BAIAP2L1: variants seen among roughly 807,000 people sequenced by gnomAD.
The protein encoded by BAIAP2L1 is BAR/IMD domain-containing adapter protein 2-like 1.
In BAIAP2L1, 35 loss-of-function variants were observed where a neutral mutation model predicts 66.3. That is an observed-to-expected ratio of 0.53 (90% CI 0.40 to 0.70). The LOEUF is 0.70. BAIAP2L1 is among the 30% of genes least tolerant of loss of function. BAIAP2L1 has a pLI of 0.00. For synonymous variants in BAIAP2L1, 269 were observed against 248.7 expected, an observed-to-expected ratio of 1.08 and a Z score of -0.77; for missense variants, 622 against 656.9, an observed-to-expected ratio of 0.95 and a Z score of 0.58.
At chr7:98,307,918 T>C (rs1262119094) in intron 9 of BAIAP2L1, 22 bp from the exon 10 acceptor site, 1 of 1,611,660 alleles carries the variant, frequency 6.2e-7, no homozygotes, top group Non-Finnish European at 8.5e-7. Flanking sequence ...AGTGTAGCAG[T>C]AATGGCTTTT....
In BAIAP2L1 at chr7:98,307,839, A is replaced by G. The variant is rs1209701200; in HGVS notation, c.1013T>C (p.Met338Thr). Residue 338 changes from methionine (M) to threonine (T), a missense_variant, in exon 10 of 14, where the codon ATG (methionine) becomes ACG (threonine). Coordinates refer to ENST00000005260, the MANE Select transcript of BAIAP2L1 (RefSeq NM_018842.5). ...GGTCTTCACTTTCTGCTTCTTCATCATGTTCAGTCCCGTTGCAACCGAAAC... is the reference window on the plus strand; with the variant it reads ...GGTCTTCACTTTCTGCTTCTTCATCGTGTTCAGTCCCGTTGCAACCGAAAC... ...RSVSVATGLN[M>T]MKKQKVKTIF... 6.2e-7 allele frequency: 1 copy of G among 1,614,108 alleles called. No individual in the cohort carries two copies. Among genetic ancestry groups the G allele is most frequent in the Admixed American group, 1.7e-5 (1 of 60,004 alleles).
intron 1 of BAIAP2L1, among the ~76,000 whole-genome samples, chr7:98,377,796 G>A (rs1802667154): frequency 7.2e-6 from 1 of 138,262 alleles, no homozygotes; most frequent in Non-Finnish European, 1.5e-5. Flanking sequence ...CTCCAGCCTG[G>A]GCGACAGAGT....
chr7:98,304,124 C>T, intron 12 of BAIAP2L1, 72 bp downstream of exon 12: 2 of 1,455,084 alleles, frequency 1.4e-6, no homozygotes, highest in Non-Finnish European at 1.8e-6. Context: ...AGGCGGTCAC[C>T]ACAGGACCTG....
chr7:98,383,283 CTTT>C (rs112746004), intron 1 of BAIAP2L1, among the ~76,000 whole-genome samples: 28 of 137,852 alleles, frequency 2.0e-4, no homozygotes, highest in African/African-American at 6.1e-4. Flanking sequence ...AACTTTCAAT[CTTT>C]TTTTTTTTTT....
intron 1 of BAIAP2L1, among the ~76,000 whole-genome samples, chr7:98,378,150 C>CA (rs1359683678): frequency 6.8e-6 from 1 of 148,126 alleles, no homozygotes; most frequent in African/African-American, 2.5e-5. Flanking sequence ...CTCTGTCTCT[C>CA]AAAAAACAAA....
chr7:98,299,146 G>C (rs1800310884), intron 12 of BAIAP2L1, among the ~76,000 whole-genome samples: 1 of 152,116 alleles, frequency 6.6e-6, no homozygotes, highest in South Asian at 2.1e-4. Context: ...CTCCCGAGTA[G>C]CTGGGATTAC....
chr7:98,393,164 T>C lies in BAIAP2L1; in HGVS notation c.51+7638A>G, dbSNP rs534345135. ...ATGTGTACATATATATGTACACATATATGTATATATATACATATATGTGTG... is the reference window on the plus strand; with the variant it reads ...ATGTGTACATATATATGTACACATACATGTATATATATACATATATGTGTG... On this transcript the variant is annotated intron_variant, in intron 1 of 13. Coordinates refer to ENST00000005260, the MANE Select transcript of BAIAP2L1 (RefSeq NM_018842.5). Among the ~76,000 whole-genome samples, 170 of 79,104 alleles carry C rather than the reference T, an allele frequency of 2.1e-3. 29 individuals carry two copies. Among genetic ancestry groups the C allele is most frequent in the African/African-American group, 5.7e-3 (164 of 28,714 alleles). 51.9% of individuals were successfully genotyped at this position (79,104 alleles called of 152,430 possible). A position where few individuals can be genotyped will look rare whatever the true frequency, so the allele number is the denominator to read the frequency against.
chr7:98,309,511 T>C (rs929524995), intron 9 of BAIAP2L1: 1 of 152,174 alleles, frequency 6.6e-6, no homozygotes, highest in Non-Finnish European at 1.5e-5. Context: ...TCTGAATCAC[T>C]GGGATGCACA....
chr7:98,374,668 C>G (rs887718489), intron 1 of BAIAP2L1, among the ~76,000 whole-genome samples: 1 of 151,752 alleles, frequency 6.6e-6, no homozygotes, highest in African/African-American at 2.4e-5. Flanking sequence ...TAATCTTACT[C>G]CTGATTTTTG....
chr7:98,321,913 C>T (rs1167819147), intron 3 of BAIAP2L1, among the ~76,000 whole-genome samples: 8 of 152,032 alleles, frequency 5.3e-5, no homozygotes, highest in African/African-American at 1.2e-4. Flanking sequence ...CTGGCCAACA[C>T]GGTGAAACCC....
chr7:98,361,939 T>TATCAAAAGTGACACA (rs1214953620), intron 2 of BAIAP2L1, among the ~76,000 whole-genome samples: 2 of 152,082 alleles, frequency 1.3e-5, no homozygotes, highest in Non-Finnish European at 2.9e-5. Flanking sequence ...CTCATGTAAC[T>TATCAAAAGTGACACA]ATCAAAAGTG....
intron 1 of BAIAP2L1, among the ~76,000 whole-genome samples, chr7:98,397,571 C>T (rs565534548): frequency 4.6e-5 from 7 of 152,212 alleles, no homozygotes; most frequent in African/African-American, 1.2e-4. Flanking sequence ...GATCTGCCTG[C>T]CCACCTTGGC....
intron 7 of BAIAP2L1, among the ~76,000 whole-genome samples, chr7:98,313,578 G>A (rs1800958641): frequency 6.6e-6 from 1 of 152,096 alleles, no homozygotes. Context: ...GTTGACAAAA[G>A]TGATCACCTA....
intron 12 of BAIAP2L1, among the ~76,000 whole-genome samples, chr7:98,303,874 C>T (rs1800526860): frequency 2.0e-5 from 3 of 152,166 alleles, no homozygotes. Flanking sequence ...AATGGTGATT[C>T]AATGGCTAGA....
chr7:98,313,598 C>A (rs1367698818), intron 7 of BAIAP2L1, among the ~76,000 whole-genome samples: 1 of 152,084 alleles, frequency 6.6e-6, no homozygotes, highest in African/African-American at 2.4e-5. Context: ...AATACAGCAA[C>A]TATTTCCTTT....
intron 3 of BAIAP2L1, among the ~76,000 whole-genome samples, chr7:98,330,778 C>T (rs979789166): frequency 5.3e-5 from 8 of 152,156 alleles, no homozygotes; most frequent in Admixed American, 6.5e-5. Context: ...CAGAAGGCAA[C>T]GTGGGCACAG....
Position 98,315,625 on chromosome 7 carries a change from A to AAATAAT in BAIAP2L1, c.487-19_487-14dup, listed in dbSNP as rs35160105. Reference sequence around the variant, plus strand: ...CGGTCTCCACATACTAAAAAAAAAAAAATAATAATAATAATAATTATATAA... The same window carrying AAATAAT: ...CGGTCTCCACATACTAAAAAAAAAAAAATAATAATAATAATAATAATAATTATATAA... On this transcript the variant is annotated splice_polypyrimidine_tract_variant and intron_variant, in intron 6 of 13. Transcript: ENST00000005260. 4.7e-5 allele frequency: 53 copies of AAATAAT among 1,131,106 alleles called. No homozygotes were observed. In the African/African-American group the frequency reaches 6.0e-4, roughly 13 times the overall value. The allele number at this position is 1,131,106 out of a possible 1,614,324, so 70.1% of individuals were successfully genotyped here. A position where few individuals can be genotyped will look rare whatever the true frequency, so the allele number is the denominator to read the frequency against.
intron 1 of BAIAP2L1, among the ~76,000 whole-genome samples, chr7:98,389,806 C>A (rs1408677660): frequency 6.6e-6 from 1 of 152,000 alleles, no homozygotes; most frequent in Non-Finnish European, 1.5e-5. Flanking sequence ...ATAGAAATGA[C>A]CCCTGAAAGT....
chr7:98,343,271 AC>A lies in BAIAP2L1; in HGVS notation c.214+11770del, dbSNP rs1258750949. ...AATACACACACACACACACACACAC[AC>A]ACACACACACACACAGACACACACA... is the stretch of plus-strand genomic sequence containing the variant. On this transcript the variant is annotated intron_variant, in intron 3 of 13. Transcript: ENST00000005260. Among the ~76,000 whole-genome samples the A allele has an allele frequency of 1.2e-3, 176 of 150,482 alleles. 1 individual carries two copies. The highest frequency in any genetic ancestry group is 4.0e-3 in the African/African-American group (163 of 40,948).
Sources: gnomAD v4.1 joint callset for allele counts (sites outside exome capture counted in the v4.1 genomes callset) on GRCh38, gnomAD v4.1.1 for gene constraint, MANE v1.5 for transcripts, NCBI Gene and HGNC (gene_info 2026-07-23, HGNC 2026-07-21) for gene names.